FBXW7: variants seen among roughly 807,000 people sequenced by gnomAD.
FBXW7 encodes the protein F-box and WD repeat domain containing 7, also known as F-box/WD repeat-containing protein 7.
Under a neutral mutation model 86.3 loss-of-function variants are expected in FBXW7, and 11 were observed. That is an observed-to-expected ratio of 0.13 (90% CI 0.08 to 0.21). The LOEUF (loss-of-function observed/expected upper bound fraction) is 0.21. Among genes scored for constraint, FBXW7 ranks in the 10% least tolerant of loss-of-function variants. The pLI is 1.00. For synonymous variants in FBXW7, 313 were observed against 297.9 expected, an observed-to-expected ratio of 1.05 and a Z score of -0.52; for missense variants, 488 against 847.4, an observed-to-expected ratio of 0.58 and a Z score of 5.27.
chr4:152,444,006 C>A (rs901358266), intron 2 of FBXW7, among the ~76,000 whole-genome samples: 6 of 151,476 alleles, frequency 4.0e-5, no homozygotes, highest in Non-Finnish European at 8.8e-5. Flanking sequence ...TTCCTTCCAG[C>A]TCCTTCTCTA....
chr4:152,404,725 A>C (rs906366858), intron 4 of FBXW7, among the ~76,000 whole-genome samples: 7 of 152,192 alleles, frequency 4.6e-5, no homozygotes, highest in African/African-American at 1.7e-4. Flanking sequence ...CATATACTGA[A>C]TACCTGAGTC....
chr4:152,413,974 C>G (rs1198653835), intron 2 of FBXW7, among the ~76,000 whole-genome samples: 1 of 152,104 alleles, frequency 6.6e-6, no homozygotes, highest in Non-Finnish European at 1.5e-5. Context: ...TAATTGTGTT[C>G]TATAAAATTG....
chr4:152,409,563 T>C (rs1235106688), intron 4 of FBXW7, among the ~76,000 whole-genome samples: 4 of 152,100 alleles, frequency 2.6e-5, no homozygotes, highest in Non-Finnish European at 5.9e-5. Context: ...AGGAAAACAT[T>C]TAGAAAAATT....
At position 152,535,961 on chromosome 4, in the gene FBXW7, G is replaced by C. The variant is rs1021458483; in HGVS notation, c.-1047C>G. The stretch of plus-strand genomic sequence containing the variant: ...GTCTCGGCGGCGGCCAGTGCAGGGG[G>C]ACTGGATCTCTCGGATGCTCCTTCG... On this transcript the variant is annotated 5_prime_UTR_variant, in exon 1 of 14. Coordinates refer to ENST00000281708, the MANE Select transcript of FBXW7 (RefSeq NM_001349798.2). 1.7e-5 allele frequency: 5 copies of C among 286,778 alleles called. No individual in the cohort carries two copies. The highest frequency in any genetic ancestry group is 1.2e-4 in the East Asian group (2 of 16,522). The allele number at this position is 286,778 out of a possible 1,614,324, so 17.8% of individuals were successfully genotyped here.
At chr4:152,466,724 C>T (rs1055387452) in intron 2 of FBXW7, among the ~76,000 whole-genome samples, 8 of 151,986 alleles carry the variant, frequency 5.3e-5, no homozygotes, top group African/African-American at 1.5e-4. Context: ...GGGCGGATCA[C>T]GAGGTCAGGA....
intron 4 of FBXW7, among the ~76,000 whole-genome samples, chr4:152,405,344 G>C (rs916982451): frequency 5.3e-5 from 8 of 152,110 alleles, no homozygotes; most frequent in African/African-American, 1.7e-4. Context: ...CTAAATCTAG[G>C]AAGGTATTAA....
intron 2 of FBXW7, among the ~76,000 whole-genome samples, chr4:152,488,176 A>G (rs962010311): frequency 2.0e-5 from 3 of 152,016 alleles, no homozygotes; most frequent in Admixed American, 6.6e-5. Flanking sequence ...ATCCTATTAA[A>G]GTTATTATTT....
At chr4:152,486,663 T>A (rs1745370648) in intron 2 of FBXW7, among the ~76,000 whole-genome samples, 1 of 151,846 alleles carries the variant, frequency 6.6e-6, no homozygotes, top group South Asian at 2.1e-4. Context: ...CTGGAGTACG[T>A]CCTGAAGGAA....
At position 152,353,461 on chromosome 4, in the gene FBXW7, T is replaced by C. The variant is rs144623698; in HGVS notation, c.502-3337A>G. On this transcript the variant is annotated intron_variant, in intron 4 of 13. Coordinates refer to ENST00000281708, the MANE Select transcript of FBXW7 (RefSeq NM_001349798.2). ...TAAAACATAGTAATTTTCAGGGAAA[T>C]TGCCATACACTTCATCAATTCTTAC... Among the ~76,000 whole-genome samples, 29 of 152,306 alleles carry C rather than the reference T, an allele frequency of 1.9e-4. No homozygotes were observed. In the East Asian group the frequency reaches 4.6e-3, roughly 24 times the overall value.
chr4:152,489,811 T>C (rs1224263116), intron 2 of FBXW7, among the ~76,000 whole-genome samples: 1 of 151,982 alleles, frequency 6.6e-6, no homozygotes, highest in East Asian at 1.9e-4. Flanking sequence ...CTCCCCTCAA[T>C]ACCACCCCCA....
At chr4:152,398,361 T>G (rs1736613307) in intron 4 of FBXW7, among the ~76,000 whole-genome samples, 1 of 151,958 alleles carries the variant, frequency 6.6e-6, no homozygotes. Context: ...TTTATAAAAT[T>G]TTCTATGTAT....
chr4:152,506,964 A>T (rs2149708460), intron 2 of FBXW7, among the ~76,000 whole-genome samples: 1 of 152,352 alleles, frequency 6.6e-6, no homozygotes, highest in Middle Eastern at 3.4e-3. Context: ...CCAAAACAAC[A>T]TGGTCTATCT....
intron 2 of FBXW7, among the ~76,000 whole-genome samples, chr4:152,490,797 T>C (rs1745775712): frequency 6.6e-6 from 1 of 152,204 alleles, no homozygotes; most frequent in African/African-American, 2.4e-5. Context: ...AAGCAGATTT[T>C]TTCTATCTTT....
chr4:152,359,613 A>AAAAACAAAAC (rs200795248), intron 4 of FBXW7, among the ~76,000 whole-genome samples: 1 of 151,928 alleles, frequency 6.6e-6, no homozygotes, highest in Non-Finnish European at 1.5e-5. Flanking sequence ...AAAAACTACC[A>AAAAACAAAAC]AAAACAAAAC....
Position 152,351,791 on chromosome 4 carries a change from T to C in FBXW7, c.502-1667A>G, listed in dbSNP as rs1233936932. Reference sequence around the variant, plus strand: ...TTCCCAGGATACCTTGTAAAAAACATTGGTGCAAATACCATTTGCCACTAA... The same window carrying C: ...TTCCCAGGATACCTTGTAAAAAACACTGGTGCAAATACCATTTGCCACTAA... On this transcript the variant is annotated intron_variant, in intron 4 of 13. Transcript: ENST00000281708. 3.3e-5 allele frequency among the ~76,000 whole-genome samples: 5 copies of C among 152,152 alleles called. No homozygotes were observed. In the East Asian group the frequency reaches 5.8e-4, roughly 18 times the overall value.
chr4:152,500,262 G>T (rs1237612167), intron 2 of FBXW7, among the ~76,000 whole-genome samples: 1 of 151,938 alleles, frequency 6.6e-6, no homozygotes, highest in Non-Finnish European at 1.5e-5. Context: ...TCTATATTAT[G>T]CTATGAGTTT....
chr4:152,433,590 G>T (rs992993280), intron 2 of FBXW7, among the ~76,000 whole-genome samples: 5 of 152,134 alleles, frequency 3.3e-5, no homozygotes, highest in African/African-American at 1.2e-4. Flanking sequence ...AATGACTCCT[G>T]TGATTGTTTG....
chr4:152,535,338 A>C lies in FBXW7; in HGVS notation c.-424T>G. On this transcript the variant is annotated 5_prime_UTR_variant, in exon 1 of 14. Transcript: ENST00000281708. ...GGGGGGCTCTAGGAACTCCTCCCGGAGTCCAGCCAAGGAGCCGGGGGGCCG... is the reference window on the plus strand; with the variant it reads ...GGGGGGCTCTAGGAACTCCTCCCGGCGTCCAGCCAAGGAGCCGGGGGGCCG... 2 of 347,100 alleles carry C rather than the reference A, an allele frequency of 5.8e-6. No homozygotes were observed. The highest frequency in any genetic ancestry group is 4.1e-5 in the East Asian group (1 of 24,144). The allele number at this position is 347,100 out of a possible 1,614,324, so 21.5% of individuals were successfully genotyped here. A position where few individuals can be genotyped will look rare whatever the true frequency, so the allele number is the denominator to read the frequency against.
intron 4 of FBXW7, among the ~76,000 whole-genome samples, chr4:152,390,290 G>A (rs1161519049): frequency 6.6e-6 from 1 of 151,654 alleles, no homozygotes; most frequent in East Asian, 1.9e-4. Flanking sequence ...AAGTACTTAA[G>A]ATAAAACAAA....
Sources: gnomAD v4.1 joint callset for allele counts (sites outside exome capture counted in the v4.1 genomes callset) on GRCh38, gnomAD v4.1.1 for gene constraint, MANE v1.5 for transcripts, NCBI Gene and HGNC (gene_info 2026-07-23, HGNC 2026-07-21) for gene names.